The following PPM1L variants were observed in gnomAD, a reference collection of about 807,000 sequenced individuals.
PPM1L encodes protein phosphatase, Mg2+/Mn2+ dependent 1L, also known as protein phosphatase 1L.
A neutral mutation model predicts 31.4 loss-of-function variants in PPM1L; 13 were observed. That is an observed-to-expected ratio of 0.41 (90% confidence interval 0.27 to 0.66). The LOEUF (loss-of-function observed/expected upper bound fraction) is 0.66. PPM1L is among the 30% of genes least tolerant of loss of function. PPM1L has a pLI of 0.29. For missense variants in PPM1L, 326 were observed against 453.7 expected, an observed-to-expected ratio of 0.72 and a Z score of 2.56; for synonymous variants, 184 against 175.4, an observed-to-expected ratio of 1.05 and a Z score of -0.39.
chr3:161,019,219 G>A (rs1718171647), intron 2 of PPM1L, among the ~76,000 whole-genome samples: 1 of 152,152 alleles, frequency 6.6e-6, no homozygotes, highest in Non-Finnish European at 1.5e-5. Flanking sequence ...TTAGGAACAA[G>A]GTCTCATTCT....
At chr3:160,972,423 C>T (rs1716379899) in intron 2 of PPM1L, among the ~76,000 whole-genome samples, 1 of 147,954 alleles carries the variant, frequency 6.8e-6, no homozygotes, top group Non-Finnish European at 1.5e-5. Context: ...TTGTTCATTT[C>T]CCACCTATGA....
At chr3:160,996,928 C>A (rs1430157975) in intron 2 of PPM1L, among the ~76,000 whole-genome samples, 1 of 152,006 alleles carries the variant, frequency 6.6e-6, no homozygotes, top group Non-Finnish European at 1.5e-5. Context: ...TTGTTCTAGG[C>A]AAGGCAATAG....
intron 1 of PPM1L, among the ~76,000 whole-genome samples, chr3:160,924,374 G>T (rs1282738646): frequency 1.3e-5 from 2 of 152,148 alleles, no homozygotes; most frequent in Non-Finnish European, 2.9e-5. Flanking sequence ...AAAACGTTTG[G>T]CTGTTCTCTC....
chr3:160,910,132 A>G (rs78824035), intron 1 of PPM1L, among the ~76,000 whole-genome samples: 1,669 of 152,208 alleles, frequency 0.011, 34 homozygotes, highest in African/African-American at 0.038. Flanking sequence ...TGACTTCTCA[A>G]TCTTGAAATA....
chr3:160,972,777 T>A (rs983961347), intron 2 of PPM1L, among the ~76,000 whole-genome samples: 2 of 152,102 alleles, frequency 1.3e-5, no homozygotes, highest in Non-Finnish European at 2.9e-5. Flanking sequence ...ATCGCCACAC[T>A]GACTTCCACA....
chr3:160,902,581 G>A (rs1426629101), intron 1 of PPM1L, among the ~76,000 whole-genome samples: 1 of 152,126 alleles, frequency 6.6e-6, no homozygotes, highest in African/African-American at 2.4e-5. Flanking sequence ...CATATGAGCT[G>A]TACTTATGTA....
At chr3:160,953,074 A>C (rs574679097) in intron 1 of PPM1L, among the ~76,000 whole-genome samples, 1 of 152,290 alleles carries the variant, frequency 6.6e-6, no homozygotes, top group South Asian at 2.1e-4. Context: ...TTTCTTCTTA[A>C]GATGCATGTC....
At chr3:160,850,887 G>T (rs982235951) in intron 1 of PPM1L, among the ~76,000 whole-genome samples, 10 of 149,632 alleles carry the variant, frequency 6.7e-5, no homozygotes, top group Non-Finnish European at 1.2e-4. Flanking sequence ...TTTTTGGTGG[G>T]GGGGGGGTCA....
intron 1 of PPM1L, among the ~76,000 whole-genome samples, chr3:160,877,505 A>G (rs1216774526): frequency 1.3e-5 from 2 of 152,144 alleles, no homozygotes; most frequent in East Asian, 3.9e-4. Context: ...TCGAAGCAGC[A>G]TCATTGTCTG....
At chr3:160,962,862 C>T (rs1716011544) in intron 2 of PPM1L, among the ~76,000 whole-genome samples, 1 of 152,102 alleles carries the variant, frequency 6.6e-6, no homozygotes, top group Admixed American at 6.6e-5. Flanking sequence ...TTTCTAGTTA[C>T]TAAGCTGCCC....
At chr3:160,816,033 T>C (rs1318875039) in intron 1 of PPM1L, among the ~76,000 whole-genome samples, 1 of 152,156 alleles carries the variant, frequency 6.6e-6, no homozygotes, top group African/African-American at 2.4e-5. Flanking sequence ...TTTTGCATTC[T>C]TGCACAAATA....
rs372015805 is a variant in PPM1L at position 161,069,056 on chromosome 3, G to T, written c.982G>T (p.Ala328Ser). 1.9e-6 allele frequency: 3 copies of T among 1,614,046 alleles called. No homozygotes were observed. The highest frequency in any genetic ancestry group is 2.5e-6 in the Non-Finnish European group (3 of 1,180,044). ...GCGCTTGGATGAACCTCACTTTGGG[G>T]CCAAGAGCATAGTTTTACAGTCATT... ...KERLDEPHFGAKSIVLQSFYR... is the reference protein window; with the variant it reads ...KERLDEPHFGSKSIVLQSFYR... Residue 328 changes from alanine (A) to serine (S), a missense_variant, in exon 4 of 4, where the codon GCC (alanine) becomes TCC (serine). Coordinates refer to ENST00000498165, the MANE Select transcript of PPM1L (RefSeq NM_139245.4).
chr3:160,793,033 A>G (rs1390101321), intron 1 of PPM1L, among the ~76,000 whole-genome samples: 3 of 152,218 alleles, frequency 2.0e-5, no homozygotes, highest in South Asian at 2.1e-4. Context: ...AGTGCCTATC[A>G]TATCAAGAAT....
intron 2 of PPM1L, among the ~76,000 whole-genome samples, chr3:160,965,431 CAGTAT>C: frequency 6.6e-6 from 1 of 151,940 alleles, no homozygotes; most frequent in East Asian, 1.9e-4. Flanking sequence ...TTTTCATTTT[CAGTAT>C]AGTATTCACT....
chr3:160,873,933 G>A (rs1576682893), intron 1 of PPM1L, among the ~76,000 whole-genome samples: 1 of 152,190 alleles, frequency 6.6e-6, no homozygotes. Context: ...CCAGGCTCTA[G>A]TCTTATCCTT....
chr3:160,857,670 G>T (rs1711759037), intron 1 of PPM1L, among the ~76,000 whole-genome samples: 1 of 152,090 alleles, frequency 6.6e-6, no homozygotes, highest in Non-Finnish European at 1.5e-5. Context: ...GAAATGCAAG[G>T]CATGGTGCCT....
intron 2 of PPM1L, among the ~76,000 whole-genome samples, chr3:160,963,829 T>C (rs1716048796): frequency 6.6e-6 from 1 of 152,056 alleles, no homozygotes. Context: ...TGCACATGGC[T>C]TTTAGGGGCA....
intron 1 of PPM1L, among the ~76,000 whole-genome samples, chr3:160,954,715 A>G (rs967673631): frequency 6.6e-6 from 1 of 152,094 alleles, no homozygotes; most frequent in African/African-American, 2.4e-5. Flanking sequence ...GTACTCTTTT[A>G]TAACACAATT....
At chr3:160,872,393 A>G (rs549289312) in intron 1 of PPM1L, among the ~76,000 whole-genome samples, 2 of 152,288 alleles carry the variant, frequency 1.3e-5, no homozygotes, top group South Asian at 4.1e-4. Flanking sequence ...AATAACAACA[A>G]CTGATGCTCT....
Sources: allele counts gnomAD v4.1 joint callset (sites outside exome capture counted in the v4.1 genomes callset), GRCh38; gene constraint gnomAD v4.1.1; transcripts MANE v1.5; gene names NCBI Gene and HGNC (gene_info 2026-07-23, HGNC 2026-07-21).